The following UBN1 variants were observed in gnomAD, a reference collection of about 807,000 sequenced individuals.
UBN1 encodes ubinuclein-1.
A neutral mutation model predicts 108.5 loss-of-function variants in UBN1; 17 were observed. The observed-to-expected ratio is 0.16, with a 90% CI of 0.11 to 0.24. UBN1 has a LOEUF of 0.24. UBN1 is among the 10% of genes least tolerant of loss of function. UBN1 has a pLI of 1.00. For synonymous variants in UBN1, 726 were observed against 564.2 expected (o/e 1.29, Z -4.07); for missense variants, 1,595 against 1,394.4 (o/e 1.14, Z -2.29).
Position 4,877,711 on chromosome 16 carries a change from CAG to C in UBN1, c.3355+238_3355+239del. The C allele has an allele frequency of 4.1e-6, 5 of 1,223,648 alleles. No individual in the cohort carries two copies. Among genetic ancestry groups the C allele is most frequent in the Non-Finnish European group, 4.1e-6 (4 of 982,568 alleles). 75.8% of individuals were successfully genotyped at this position (1,223,648 alleles called of 1,614,324 possible). ...AGGTCAGCCTCAGCCTGTGTGATCA[CAG>C]GGAAAGTTGCGGGGGGCAGGGTGGT... On this transcript the variant is annotated intron_variant, in intron 17 of 17. Coordinates refer to ENST00000262376, the MANE Select transcript of UBN1 (RefSeq NM_001079514.3). The surrounding 1 kb of genome is among the most constrained non-coding windows in gnomAD (Gnocchi z 4.3).
At chr16:4,851,075 C>T (rs906778484) in intron 1 of UBN1, among the ~76,000 whole-genome samples, 3 of 152,104 alleles carry the variant, frequency 2.0e-5, no homozygotes, top group Non-Finnish European at 4.4e-5. Flanking sequence ...GCAATATATG[C>T]CAAATCAGCA....
intron 7 of UBN1, among the ~76,000 whole-genome samples, chr16:4,864,131 A>C (rs1465779528): frequency 8.1e-6 from 1 of 123,098 alleles, no homozygotes; most frequent in African/African-American, 3.3e-5. Flanking sequence ...CCCAGGCTGG[A>C]GTGCAGTGGT....
rs2087595686 is a variant in UBN1, at chr16:4,870,835, A to T, written c.1431-9A>T. 6 of 1,612,198 alleles carry T rather than the reference A, an allele frequency of 3.7e-6. No individual in the cohort carries two copies. The highest frequency in any genetic ancestry group is 5.1e-6 in the Non-Finnish European group (6 of 1,179,404). The stretch of plus-strand genomic sequence containing the variant: ...CTTGGGGCCCCATGTAATTCTATTC[A>T]CCCCGTAGGATGCTGGAAGAGGAGA... On this transcript the variant is annotated splice_polypyrimidine_tract_variant and intron_variant, in intron 10 of 17. Transcript: ENST00000262376.
intron 2 of UBN1, among the ~76,000 whole-genome samples, chr16:4,857,369 AT>A (rs1231337775): frequency 2.3e-4 from 19 of 83,754 alleles, no homozygotes; most frequent in Admixed American, 6.6e-4. Context: ...AAAAAAAAAA[AT>A]TTTTTTTTTT....
chr16:4,874,468 A>G lies in UBN1; in HGVS notation c.2058A>G (p.Arg686=), dbSNP rs760980669. ...AGGAATTGGCTGCATTGAATAGCAG[A>G]GCAGCTGGGAACTCTGAATTCACAC... is the stretch of plus-strand genomic sequence containing the variant. The part of the protein sequence containing the change: ...VSKELAALNS[R]AAGNSEFTLP... Residue 686 remains arginine (R), a synonymous_variant, in exon 15 of 18, where the codon AGA becomes AGG. Coordinates refer to ENST00000262376, the MANE Select transcript of UBN1 (RefSeq NM_001079514.3). 17 of 1,614,092 alleles carry G rather than the reference A, an allele frequency of 1.1e-5. No homozygotes were observed. The highest frequency in any genetic ancestry group is 1.7e-5 in the Admixed American group (1 of 60,010).
chr16:4,855,879 A>G (rs1336989928), intron 2 of UBN1, among the ~76,000 whole-genome samples: 1 of 152,174 alleles, frequency 6.6e-6, no homozygotes, highest in Non-Finnish European at 1.5e-5. Context: ...AGATCATGCC[A>G]CTGTACTCCA....
chr16:4,863,122 A>G (rs185304982), intron 7 of UBN1, among the ~76,000 whole-genome samples: 2 of 152,356 alleles, frequency 1.3e-5, no homozygotes, highest in African/African-American at 2.4e-5. Context: ...CTAGTTGGAT[A>G]TTCTTTTCTA....
Position 4,872,448 on chromosome 16 carries a change from T to G in UBN1, c.1707-436T>G, listed in dbSNP as rs866610369. On this transcript the variant is annotated intron_variant, in intron 12 of 17. Transcript: ENST00000262376. ...CTCCCCAATCCATTGACCTTTTTTT[T>G]TGTGTGTGTGGGGGGTGGGTGGGCA... The G allele has an allele frequency of 1.0e-4, 20 of 197,628 alleles. No individual in the cohort carries two copies. The South Asian group carries it at 2.2e-3, about 22-fold the overall frequency. 12.2% of individuals were successfully genotyped at this position (197,628 alleles called of 1,614,324 possible). A position where few individuals can be genotyped will look rare whatever the true frequency, so the allele number is the denominator to read the frequency against.
chr16:4,869,427 A>C (rs528345255), intron 8 of UBN1, among the ~76,000 whole-genome samples: 1 of 152,362 alleles, frequency 6.6e-6, no homozygotes, highest in East Asian at 1.9e-4. Context: ...TAAAAAACAG[A>C]TGAGCAAACA....
At chr16:4,878,479 C>T (rs2087982242) in intron 17 of UBN1, among the ~76,000 whole-genome samples, 1 of 152,152 alleles carries the variant, frequency 6.6e-6, no homozygotes, top group African/African-American at 2.4e-5. Flanking sequence ...TTATAGTAAA[C>T]ACCAGAGGCC....
chr16:4,877,271 G>A lies in UBN1; in HGVS notation c.3266-114G>A. 1.3e-6 allele frequency: 2 copies of A among 1,518,912 alleles called. No homozygotes were observed. The highest frequency in any genetic ancestry group is 1.8e-6 in the Non-Finnish European group (2 of 1,129,544). 94.1% of individuals were successfully genotyped at this position (1,518,912 alleles called of 1,614,324 possible). A position where few individuals can be genotyped will look rare whatever the true frequency, so the allele number is the denominator to read the frequency against. ...AGCCCCCACTGCCCCTTTGGGTGTG[G>A]TGCCCAGACTGGCCTGGCAGGTTAT... On this transcript the variant is annotated intron_variant, in intron 16 of 17. Transcript: ENST00000262376. This position sits in a 1 kb window ranked among gnomAD's most constrained non-coding sequence, Gnocchi z 4.3.
chr16:4,853,070 C>T lies in UBN1; in HGVS notation c.153C>T (p.Leu51=). ...AAAAVRITLT[L]FEPDHKRCPE... is the part of the protein sequence containing the mutation. ...CAGCTGTTCGGATTACACTCACCCT[C>T]TTTGAACCAGATCACAAACGCTGCC... The change falls in exon 2 of 18, where the codon CTC becomes CTT. Residue 51 remains leucine (L), a synonymous_variant. Transcript: ENST00000262376. 1.2e-6 allele frequency: 2 copies of T among 1,614,242 alleles called. No homozygotes were observed. The highest frequency in any genetic ancestry group is 1.7e-6 in the Non-Finnish European group (2 of 1,180,042).
chr16:4,879,335 A>C (rs2088009372), intron 17 of UBN1, among the ~76,000 whole-genome samples: 1 of 152,166 alleles, frequency 6.6e-6, no homozygotes, highest in Admixed American at 6.5e-5. Flanking sequence ...ATGTGGTGGC[A>C]TTGAGAGGCA....
intron 1 of UBN1, chr16:4,852,398 C>G (rs928265006): frequency 1.9e-5 from 3 of 154,324 alleles, no homozygotes; most frequent in African/African-American, 7.2e-5. Context: ...CCTCCTGAGT[C>G]ACTGGTTCTT....
At chr16:4,879,572 T>A (rs1360348951) in intron 17 of UBN1, among the ~76,000 whole-genome samples, 1 of 152,268 alleles carries the variant, frequency 6.6e-6, no homozygotes, top group African/African-American at 2.4e-5. Flanking sequence ...GGACTTCAGC[T>A]TATAGGATGA....
In UBN1 at chr16:4,874,504, C is replaced by A; in HGVS notation, c.2094C>A (p.Pro698=). 2 of 1,614,232 alleles carry A rather than the reference C, an allele frequency of 1.2e-6. No homozygotes were observed. Among genetic ancestry groups the A allele is most frequent in the Non-Finnish European group, 1.7e-6 (2 of 1,180,044 alleles). Residue 698 remains proline (P), a synonymous_variant, in exon 15 of 18, where the codon CCC becomes CCA. Coordinates refer to ENST00000262376, the MANE Select transcript of UBN1 (RefSeq NM_001079514.3). ...AGNSEFTLPA[P]SKAPAEKVGG... ...ACTCTGAATTCACACTGCCTGCACC[C>A]TCAAAAGCACCTGCAGAAAAAGTTG...
chr16:4,858,941 A>G, intron 4 of UBN1, 84 bp from the exon 5 acceptor site: 9 of 1,527,208 alleles, frequency 5.9e-6, no homozygotes, highest in Non-Finnish European at 8.0e-6. Context: ...AGAGGAGCAC[A>G]GTCACATCTC....
intron 14 of UBN1, 50 bp downstream of exon 14, chr16:4,873,123 A>C: frequency 6.2e-6 from 10 of 1,610,970 alleles, no homozygotes; most frequent in East Asian, 2.2e-5. Flanking sequence ...TCTCCCTACA[A>C]CTATGCTCTG....
Position 4,858,559 on chromosome 16 carries a change from A to G in UBN1, c.337-9A>G, listed in dbSNP as rs1375590866. On this transcript the variant is annotated splice_polypyrimidine_tract_variant and intron_variant, in intron 3 of 17. Coordinates refer to ENST00000262376, the MANE Select transcript of UBN1 (RefSeq NM_001079514.3). The stretch of plus-strand genomic sequence containing the variant: ...AAAAAGCATGTAATCTATTGCTTTC[A>G]CATTTTAGGGTGGAAAGAAACGTAG... 1 of 1,613,280 alleles carries G rather than the reference A, an allele frequency of 6.2e-7. No homozygotes were observed. The highest frequency in any genetic ancestry group is 1.3e-5 in the African/African-American group (1 of 74,910).
Sources: allele counts gnomAD v4.1 joint callset (sites outside exome capture counted in the v4.1 genomes callset), GRCh38; gene constraint gnomAD v4.1.1; non-coding constraint Gnocchi (gnomAD v3.1); transcripts MANE v1.5; gene names NCBI Gene and HGNC (gene_info 2026-07-23, HGNC 2026-07-21).